AGO4: variants seen among roughly 807,000 people sequenced by gnomAD.
AGO4 encodes the protein argonaute RISC component 4.
Under a neutral mutation model 104.7 loss-of-function variants are expected in AGO4, and 33 were observed. That is an observed-to-expected ratio of 0.32 (90% CI 0.24 to 0.42). The LOEUF is 0.42. Among genes scored for constraint, AGO4 ranks in the 10% least tolerant of loss-of-function variants. The pLI is 1.00. For missense variants in AGO4, 711 were observed against 1,083.4 expected (o/e 0.66, Z 4.83); for synonymous variants, 331 against 364.7 (o/e 0.91, Z 1.05).
chr1:35,812,217 A>T (rs192163653), intron 1 of AGO4, among the ~76,000 whole-genome samples: 1 of 152,296 alleles, frequency 6.6e-6, no homozygotes, highest in African/African-American at 2.4e-5. Context: ...AAGAAAAAAA[A>T]AATTAACTTC....
intron 12 of AGO4, among the ~76,000 whole-genome samples, chr1:35,834,727 GCT>G (rs36019584): frequency 0.1 from 15,361 of 152,166 alleles, 1,241 homozygotes; most frequent in African/African-American, 0.23. Flanking sequence ...CAGAATCTCA[GCT>G]CTGTCACCCA....
chr1:35,836,447 C>T (rs561993925), intron 13 of AGO4, among the ~76,000 whole-genome samples: 1 of 152,204 alleles, frequency 6.6e-6, no homozygotes, highest in Non-Finnish European at 1.5e-5. Context: ...ATCACTCTGT[C>T]CCCCAAGGTT....
chr1:35,848,690 AT>A (rs2148686613), intron 15 of AGO4, among the ~76,000 whole-genome samples: 1 of 151,486 alleles, frequency 6.6e-6, no homozygotes, highest in South Asian at 2.1e-4. Context: ...TATACTTTAT[AT>A]CCCTTTTAAA....
chr1:35,835,783 G>T, intron 12 of AGO4, 51 bp from the exon 13 acceptor site: 1 of 1,473,530 alleles, frequency 6.8e-7, no homozygotes, highest in Non-Finnish European at 9.1e-7. Context: ...TCTGCTTTTA[G>T]TAATTAGGAG....
chr1:35,850,780 CAAAAAAAAA>C (rs796652586), intron 16 of AGO4, 65 bp from the exon 17 acceptor site: 7 of 542,444 alleles, frequency 1.3e-5, no homozygotes, highest in Non-Finnish European at 1.8e-5. Flanking sequence ...GACTCCATCT[CAAAAAAAAA>C]AAAAAAAAAA....
chr1:35,821,624 T>C (rs908033049), intron 2 of AGO4, among the ~76,000 whole-genome samples: 2 of 152,186 alleles, frequency 1.3e-5, no homozygotes, highest in Non-Finnish European at 2.9e-5. Context: ...AGAAAAAGAC[T>C]TTTATTCTAA....
At chr1:35,831,695 T>G in intron 8 of AGO4, 117 bp from the exon 9 acceptor site, 15 of 1,543,090 alleles carry the variant, frequency 9.7e-6, no homozygotes, top group Non-Finnish European at 1.3e-5. Context: ...GGCAGATGAT[T>G]TCACTATATA....
At chr1:35,835,688 G>C (rs1399004885) in intron 12 of AGO4, 146 bp from the exon 13 acceptor site, 2 of 604,668 alleles carry the variant, frequency 3.3e-6, no homozygotes, top group East Asian at 3.5e-5. Flanking sequence ...GGGTTTAGCA[G>C]ATAAAAGGAA....
intron 1 of AGO4, among the ~76,000 whole-genome samples, chr1:35,815,477 G>A (rs1431870936): frequency 6.6e-6 from 1 of 151,656 alleles, no homozygotes; most frequent in Admixed American, 6.6e-5. Context: ...GAGTTCTGTG[G>A]GGAAAAAAAA....
intron 3 of AGO4, 40 bp downstream of exon 3, chr1:35,823,022 G>A (rs370682120): frequency 6.9e-6 from 11 of 1,593,014 alleles, no homozygotes; most frequent in African/African-American, 2.7e-5. Context: ...TCATTTAGTA[G>A]TAATTATACA....
At chr1:35,826,084 C>G in intron 6 of AGO4, 24 bp downstream of exon 6, 1 of 1,612,086 alleles carries the variant, frequency 6.2e-7, no homozygotes, top group African/African-American at 1.3e-5. Context: ...TTAATGTAGT[C>G]TTGGAGAAGC....
chr1:35,850,019 C>T (rs1424870715), intron 15 of AGO4, 138 bp from the exon 16 acceptor site: 4 of 597,626 alleles, frequency 6.7e-6, no homozygotes, highest in Non-Finnish European at 1.2e-5. Flanking sequence ...ACAGAGGATT[C>T]AACATCTTGA....
At chr1:35,850,747 C>G in intron 16 of AGO4, 107 bp from the exon 17 acceptor site, 1 of 905,410 alleles carries the variant, frequency 1.1e-6, no homozygotes, top group East Asian at 2.8e-5. Context: ...TACCACTGCA[C>G]TCCAGCCTAG....
chr1:35,833,128 A>T (rs1363644963), intron 11 of AGO4, among the ~76,000 whole-genome samples: 1 of 151,986 alleles, frequency 6.6e-6, no homozygotes, highest in Non-Finnish European at 1.5e-5. Flanking sequence ...AAATACAAAA[A>T]ATCAGCCAGG....
Position 35,825,499 on chromosome 1 carries a change from G to A in AGO4, c.488+5G>A. The A allele has an allele frequency of 6.2e-7, 1 of 1,611,342 alleles. No individual in the cohort carries two copies. Among genetic ancestry groups the A allele is most frequent in the Non-Finnish European group, 8.5e-7 (1 of 1,178,472 alleles). On this transcript the variant is annotated splice_donor_5th_base_variant and intron_variant, in intron 4 of 17. Coordinates refer to ENST00000373210, the MANE Select transcript of AGO4 (RefSeq NM_017629.4). ...AAGACACCTTCCCTCCATGAGGTTA[G>A]TACCTTGGTTTGGATTATTTCCTAC...
At chr1:35,830,110 C>T (rs1230223001) in intron 7 of AGO4, among the ~76,000 whole-genome samples, 2 of 145,454 alleles carry the variant, frequency 1.4e-5, no homozygotes, top group Non-Finnish European at 3.0e-5. Context: ...TGCCACTGCA[C>T]TCCAGCCTAG....
chr1:35,830,943 G>T (rs1557564434), intron 7 of AGO4, among the ~76,000 whole-genome samples: 1 of 146,500 alleles, frequency 6.8e-6, no homozygotes, highest in African/African-American at 2.6e-5. Context: ...CTGCACTCCC[G>T]CCTGGGCAAC....
In AGO4 at chr1:35,854,749, C is replaced by A. The variant is rs1644781186; in HGVS notation, c.*1144C>A. 1 of 152,614 alleles carries A rather than the reference C, an allele frequency of 6.6e-6. No individual in the cohort carries two copies. The highest frequency in any genetic ancestry group is 1.5e-5 in the Non-Finnish European group (1 of 68,034). The allele number at this position is 152,614 out of a possible 1,614,324, so 9.5% of individuals were successfully genotyped here. On this transcript the variant is annotated 3_prime_UTR_variant, in exon 18 of 18. Coordinates refer to ENST00000373210, the MANE Select transcript of AGO4 (RefSeq NM_017629.4). ...TCCTTATTGGAAAGGCTTTGCCAGT[C>A]CTTAAGGTACAATGAGTGATGCTGC...
At chr1:35,818,749 G>T (rs182274045) in intron 2 of AGO4, among the ~76,000 whole-genome samples, 2 of 152,032 alleles carry the variant, frequency 1.3e-5, no homozygotes, top group South Asian at 2.1e-4. Context: ...GTGAGTGAGT[G>T]GGGGAGAGTG....
Sources: gnomAD v4.1 joint callset for allele counts (sites outside exome capture counted in the v4.1 genomes callset) on GRCh38, gnomAD v4.1.1 for gene constraint, MANE v1.5 for transcripts, NCBI Gene and HGNC (gene_info 2026-07-23, HGNC 2026-07-21) for gene names.